DKK2: variants seen among roughly 807,000 people sequenced by gnomAD.
The protein encoded by DKK2 is dickkopf-related protein 2.
Under a neutral mutation model 28.1 loss-of-function variants are expected in DKK2, and 11 were observed. The observed-to-expected ratio is 0.39, with a 90% CI of 0.25 to 0.65. DKK2 has a LOEUF of 0.65. Ranked by LOEUF, DKK2 falls within the 30% of genes least tolerant of loss-of-function variation. The probability of loss-of-function intolerance (pLI) is 0.47; values close to 1 mark genes in which losing one functional copy is unlikely to be tolerated. For missense variants in DKK2, 326 were observed against 335.5 expected (o/e 0.97, Z 0.22); for synonymous variants, 135 against 126.5 (o/e 1.07, Z -0.45).
chr4:106,950,927 A>G (rs1724849131), intron 1 of DKK2, among the ~76,000 whole-genome samples: 1 of 152,024 alleles, frequency 6.6e-6, no homozygotes, highest in African/African-American at 2.4e-5. Flanking sequence ...CCTCCCATAT[A>G]TTACCAGCCC....
At chr4:106,956,206 G>A (rs1722587569) in intron 1 of DKK2, among the ~76,000 whole-genome samples, 1 of 152,070 alleles carries the variant, frequency 6.6e-6, no homozygotes, top group East Asian at 1.9e-4. Context: ...GGGACGTGAA[G>A]GACCCCTTCA....
At chr4:107,032,103 AC>A (rs1316092077) in intron 1 of DKK2, among the ~76,000 whole-genome samples, 1 of 152,038 alleles carries the variant, frequency 6.6e-6, no homozygotes, top group Admixed American at 6.5e-5. Flanking sequence ...CATATACAGC[AC>A]ATACATGCAG....
chr4:106,962,489 C>CTG (rs1332862831), intron 1 of DKK2, among the ~76,000 whole-genome samples: 7 of 113,124 alleles, frequency 6.2e-5, no homozygotes, highest in Admixed American at 9.8e-5. Flanking sequence ...GCCAGAAAAA[C>CTG]TATGTGTGTG....
chr4:107,032,852 G>T (rs1723895093), intron 1 of DKK2, among the ~76,000 whole-genome samples: 1 of 152,056 alleles, frequency 6.6e-6, no homozygotes, highest in African/African-American at 2.4e-5. Context: ...ATTCAGCTCA[G>T]CTACCTTTCT....
At chr4:106,991,869 G>A (rs1323549514) in intron 1 of DKK2, among the ~76,000 whole-genome samples, 2 of 152,128 alleles carry the variant, frequency 1.3e-5, no homozygotes, top group Non-Finnish European at 1.5e-5. Flanking sequence ...TCCATACTCC[G>A]AACTCCAGTG....
chr4:107,021,142 C>T (rs1723685788), intron 1 of DKK2, among the ~76,000 whole-genome samples: 1 of 152,024 alleles, frequency 6.6e-6, no homozygotes, highest in Non-Finnish European at 1.5e-5. Context: ...AATGCTGAAT[C>T]CTTGACTCAG....
At chr4:106,946,645 A>G (rs1053298632) in intron 1 of DKK2, among the ~76,000 whole-genome samples, 2 of 152,032 alleles carry the variant, frequency 1.3e-5, no homozygotes, top group Admixed American at 1.3e-4. Context: ...CATAGGCAGC[A>G]CCCTGACATT....
At chr4:106,983,365 A>AAAGAAAGAAAGAAAGAAAGAAAGG (rs1560585843) in intron 1 of DKK2, among the ~76,000 whole-genome samples, 1 of 139,526 alleles carries the variant, frequency 7.2e-6, no homozygotes, top group African/African-American at 2.7e-5. Context: ...AGAAAGAAAG[A>AAAGAAAGAAAGAAAGAAAGAAAGG]AAGAAGAAAG....
rs1578365820 is a variant in DKK2, at chr4:106,979,389, T to G, written c.223-53440A>C. Among the ~76,000 whole-genome samples the G allele has an allele frequency of 6.3e-5, 9 of 142,942 alleles. No individual in the cohort carries two copies. In the South Asian group the frequency reaches 1.5e-3, roughly 24 times the overall value. The allele number at this position is 142,942 out of a possible 152,430, so 93.8% of individuals were successfully genotyped here. A position where few individuals can be genotyped will look rare whatever the true frequency, so the allele number is the denominator to read the frequency against. The stretch of plus-strand genomic sequence containing the variant: ...CATCTAACTCAAAAAATCAGATTCT[T>G]TCTTCACATTATTTCCATTCCCTGA... On this transcript the variant is annotated intron_variant, in intron 1 of 3. Transcript: ENST00000285311.
intron 1 of DKK2, among the ~76,000 whole-genome samples, chr4:106,957,819 G>A (rs1298978367): frequency 6.8e-6 from 1 of 147,190 alleles, no homozygotes; most frequent in Non-Finnish European, 1.5e-5. Flanking sequence ...CGAGTTAATG[G>A]GTGCAGCACA....
chr4:106,927,925 A>G (rs1391500333), intron 1 of DKK2, among the ~76,000 whole-genome samples: 1 of 152,168 alleles, frequency 6.6e-6, no homozygotes, highest in African/African-American at 2.4e-5. Context: ...GCTATTTACA[A>G]CTCAAATAAC....
At chr4:106,983,878 T>A (rs1355580215) in intron 1 of DKK2, among the ~76,000 whole-genome samples, 1 of 152,142 alleles carries the variant, frequency 6.6e-6, no homozygotes, top group Admixed American at 6.5e-5. Flanking sequence ...TATTAGTTAT[T>A]AGGGAAATGC....
At chr4:107,006,999 T>C (rs1414601926) in intron 1 of DKK2, among the ~76,000 whole-genome samples, 1 of 147,302 alleles carries the variant, frequency 6.8e-6, no homozygotes, top group East Asian at 2.0e-4. Flanking sequence ...GAACAGTCCT[T>C]TTTTTTTTTA....
chr4:107,022,968 A>G (rs146313185), intron 1 of DKK2, among the ~76,000 whole-genome samples: 1 of 152,126 alleles, frequency 6.6e-6, no homozygotes, highest in East Asian at 1.9e-4. Context: ...AGAAATAAAT[A>G]CTGTTTTTAG....
chr4:106,978,899 A>C (rs923705986), intron 1 of DKK2, among the ~76,000 whole-genome samples: 1 of 152,010 alleles, frequency 6.6e-6, no homozygotes, highest in African/African-American at 2.4e-5. Flanking sequence ...TAGGCACCCG[A>C]GGGAATCTCC....
At chr4:107,003,949 T>G (rs1723399551) in intron 1 of DKK2, among the ~76,000 whole-genome samples, 1 of 152,210 alleles carries the variant, frequency 6.6e-6, no homozygotes, top group Admixed American at 6.5e-5. Context: ...GGAATTTATA[T>G]TCCGTGTTTG....
intron 1 of DKK2, among the ~76,000 whole-genome samples, chr4:106,941,267 G>A (rs1724694886): frequency 1.3e-5 from 2 of 151,910 alleles, no homozygotes; most frequent in Admixed American, 1.3e-4. Context: ...AATAAGTTCT[G>A]GATTAAGATC....
intron 1 of DKK2, among the ~76,000 whole-genome samples, chr4:106,926,467 A>G (rs1724427813): frequency 6.6e-6 from 1 of 152,220 alleles, no homozygotes; most frequent in South Asian, 2.1e-4. Flanking sequence ...TGCCTATAAA[A>G]GCAAGGAGGA....
intron 1 of DKK2, among the ~76,000 whole-genome samples, chr4:107,007,152 TG>T (rs1442117063): frequency 2.0e-5 from 3 of 152,166 alleles, no homozygotes; most frequent in Non-Finnish European, 4.4e-5. Context: ...TTTCCTCCAG[TG>T]GGAGATCTTG....
Sources: gnomAD v4.1 joint callset for allele counts (sites outside exome capture counted in the v4.1 genomes callset) on GRCh38, gnomAD v4.1.1 for gene constraint, MANE v1.5 for transcripts, NCBI Gene and HGNC (gene_info 2026-07-23, HGNC 2026-07-21) for gene names.